The following ARHGAP32 variants were observed in gnomAD, a reference collection of about 807,000 sequenced individuals.
The protein encoded by ARHGAP32 is rho GTPase-activating protein 32.
A neutral mutation model predicts 186.5 loss-of-function variants in ARHGAP32; 51 were observed. The observed-to-expected ratio is 0.27, with a 90% CI of 0.22 to 0.35. ARHGAP32 has a LOEUF of 0.35. Ranked by LOEUF, ARHGAP32 falls within the 10% of genes least tolerant of loss-of-function variation. The pLI, the probability that ARHGAP32 is intolerant of heterozygous loss-of-function variation, is 1.00. For synonymous variants in ARHGAP32, 950 were observed against 964.3 expected (o/e 0.99, Z 0.27); for missense variants, 2,186 against 2,623.5 (o/e 0.83, Z 3.64).
intron 6 of ARHGAP32, among the ~76,000 whole-genome samples, chr11:129,074,878 G>A (rs1229044815): frequency 6.6e-6 from 1 of 152,106 alleles, no homozygotes; most frequent in African/African-American, 2.4e-5. Flanking sequence ...AACAAAAAAA[G>A]AGAATTGATC....
At chr11:129,193,380 G>A (rs1944305543), upstream of ARHGAP32, among the ~76,000 whole-genome samples, 1 of 126,282 alleles carries the variant, frequency 7.9e-6, no homozygotes, top group South Asian at 2.8e-4. Context: ...TACTCAACAG[G>A]CTGAGGTGGG....
chr11:129,185,441 AG>A (rs1247450314), intron 1 of ARHGAP32, among the ~76,000 whole-genome samples: 2 of 152,104 alleles, frequency 1.3e-5, no homozygotes, highest in East Asian at 3.9e-4. Context: ...ATCACACACC[AG>A]GGACTGTTGT....
chr11:129,166,804 A>G (rs1173936499), intron 1 of ARHGAP32, among the ~76,000 whole-genome samples: 1 of 152,136 alleles, frequency 6.6e-6, no homozygotes, highest in Non-Finnish European at 1.5e-5. Context: ...TGAAAAGAAT[A>G]AAGCACAAAA....
At chr11:129,065,904 T>C (rs1453587460) in intron 7 of ARHGAP32, among the ~76,000 whole-genome samples, 5 of 152,142 alleles carry the variant, frequency 3.3e-5, no homozygotes, top group Admixed American at 3.3e-4. Context: ...CTTGGCTTGA[T>C]CATTCAACTC....
chr11:128,970,407 A>G lies in ARHGAP32; in HGVS notation c.4806T>C (p.Ala1602=), dbSNP rs1267247130. 1.9e-6 allele frequency: 3 copies of G among 1,614,142 alleles called. No homozygotes were observed. Among genetic ancestry groups the G allele is most frequent in the African/African-American group, 1.3e-5 (1 of 75,012 alleles). The change falls in exon 23 of 23, where the codon GCT becomes GCC. Residue 1602 remains alanine, a synonymous_variant. Transcript: ENST00000682385. This position sits in a 1 kb window ranked among gnomAD's most constrained non-coding sequence, Gnocchi z 5.8. ...PTIRRVQSLH[A]PPSSMIRSVP... is the part of the protein sequence containing the mutation. ...CAGAGCGAATCATGGAAGACGGCGG[A>G]GCATGGAGAGACTGCACTCTCCGGA...
intron 1 of ARHGAP32, among the ~76,000 whole-genome samples, chr11:129,263,686 A>AAC (rs201380995): frequency 0.011 from 1,476 of 131,404 alleles, 28 homozygotes; most frequent in African/African-American, 0.04. Context: ...GAAGAAAAGA[A>AAC]AGAGAAAAAG....
At position 128,980,727 on chromosome 11, in the gene ARHGAP32, G is replaced by C. The variant is rs985742535; in HGVS notation, c.1802C>G (p.Ser601Cys). ...EGAASLSRPK[S>C]LLVSSPSTKL... ...GGTGGATGGAGAGGATACCAGGAGG[G>C]ACTTGGGCCTTGATAGAGAAGCTTC... The change falls in exon 18 of 23, where the codon TCC becomes TGC. Residue 601 changes from serine to cysteine, a missense_variant. Around this residue, in one of 5 missense-constraint regions of ARHGAP32, gnomAD observed 263 missense variants for 323.5 expected, o/e 0.81. Transcript: ENST00000682385. 4 of 1,610,516 alleles carry C rather than the reference G, an allele frequency of 2.5e-6. No individual in the cohort carries two copies. In the African/African-American group the frequency reaches 4.0e-5, roughly 16 times the overall value.
At chr11:128,984,513 G>A (rs77871773) in intron 15 of ARHGAP32, among the ~76,000 whole-genome samples, 41,720 of 151,982 alleles carry the variant, frequency 0.27, 6,216 homozygotes, top group Middle Eastern at 0.39. Context: ...AACATCTAAG[G>A]AATTCAGAAA....
intron 1 of ARHGAP32, among the ~76,000 whole-genome samples, chr11:129,165,150 G>GC (rs1195511351): frequency 6.6e-6 from 1 of 152,018 alleles, no homozygotes; most frequent in Non-Finnish European, 1.5e-5. Flanking sequence ...GATGCAAAAT[G>GC]CCCCCAAAAA....
chr11:129,020,372 C>T (rs1938542688), intron 11 of ARHGAP32, among the ~76,000 whole-genome samples: 1 of 152,042 alleles, frequency 6.6e-6, no homozygotes, highest in Non-Finnish European at 1.5e-5. Context: ...ATTTACATAA[C>T]ATGCTTATAA....
chr11:129,098,845 T>C (rs754561640), intron 5 of ARHGAP32, among the ~76,000 whole-genome samples: 1 of 152,204 alleles, frequency 6.6e-6, no homozygotes, highest in Non-Finnish European at 1.5e-5. Context: ...CATGGAGCTA[T>C]TACAGGAGCA....
chr11:129,165,647 T>C (rs1943623584), intron 1 of ARHGAP32, among the ~76,000 whole-genome samples: 1 of 151,162 alleles, frequency 6.6e-6, no homozygotes, highest in South Asian at 2.2e-4. Context: ...AAGACTCACA[T>C]TTCATTCAGA....
intron 6 of ARHGAP32, among the ~76,000 whole-genome samples, chr11:129,071,311 A>G (rs954889838): frequency 7.9e-5 from 12 of 152,018 alleles, no homozygotes; most frequent in Non-Finnish European, 1.6e-4. Context: ...AATACATCTT[A>G]TAAGGGGTTA....
Position 128,973,073 on chromosome 11 carries a change from T to C in ARHGAP32, c.3433A>G (p.Thr1145Ala), listed in dbSNP as rs1190520291. 1 of 1,614,088 alleles carries C rather than the reference T, an allele frequency of 6.2e-7. No homozygotes were observed. The highest frequency in any genetic ancestry group is 8.5e-7 in the Non-Finnish European group (1 of 1,180,028). Residue 1145 changes from threonine (T) to alanine (A), a missense_variant, in exon 22 of 23, where the codon ACC becomes GCC. By Grantham distance (58) the Thr-to-Ala change is moderately conservative. This residue lies in a region of ARHGAP32 where 1,502 missense variants were observed against 1,570.0 expected (regional missense o/e 0.96). Coordinates refer to ENST00000682385, the MANE Select transcript of ARHGAP32 (RefSeq NM_001378024.1). ...LPETTATGDPTHSNTTESGEQ... is the reference protein window; with the variant it reads ...LPETTATGDPAHSNTTESGEQ... Reference sequence around the variant, plus strand: ...CCAGATTCAGTTGTGTTGGAATGGGTAGGATCCCCAGTAGCTGTTGTCTCT... The same window carrying C: ...CCAGATTCAGTTGTGTTGGAATGGGCAGGATCCCCAGTAGCTGTTGTCTCT...
intron 1 of ARHGAP32, among the ~76,000 whole-genome samples, chr11:129,261,150 C>A (rs1049528337): frequency 3.3e-5 from 5 of 151,014 alleles, no homozygotes; most frequent in African/African-American, 4.9e-5. Flanking sequence ...CAGCTGAAAG[C>A]AGCAAAAAGG....
chr11:129,087,808 T>C (rs986873824), intron 6 of ARHGAP32, among the ~76,000 whole-genome samples: 1 of 152,162 alleles, frequency 6.6e-6, no homozygotes, highest in Admixed American at 6.5e-5. Context: ...GGGATGTCAA[T>C]AGTGGGGGAT....
chr11:128,971,165 G>A lies in ARHGAP32; in HGVS notation c.4054-6C>T, dbSNP rs775634517. 13 of 1,600,034 alleles carry A rather than the reference G, an allele frequency of 8.1e-6. No individual in the cohort carries two copies. In the East Asian group the frequency reaches 2.9e-4, roughly 36 times the overall value. ...ACTGGAACTACTCCTTGAACCTATTGAAAGATGATAATACTATGGGTCTAT... is the reference window on the plus strand; with the variant it reads ...ACTGGAACTACTCCTTGAACCTATTAAAAGATGATAATACTATGGGTCTAT... On this transcript the variant is annotated splice_region_variant and splice_polypyrimidine_tract_variant and intron_variant, in intron 22 of 22. Transcript: ENST00000682385.
Position 129,041,055 on chromosome 11 carries a change from C to G in ARHGAP32, c.964-46G>C, listed in dbSNP as rs750858362. 3.8e-6 allele frequency: 5 copies of G among 1,329,850 alleles called. No individual in the cohort carries two copies. The Admixed American group carries it at 9.8e-5, about 26-fold the overall frequency. The allele number at this position is 1,329,850 out of a possible 1,614,324, so 82.4% of individuals were successfully genotyped here. Reference sequence around the variant, plus strand: ...AAGGATTCTAAACCAGCAAACAGACCAATTATGTGAACACTGCCAACTGAA... The same window carrying G: ...AAGGATTCTAAACCAGCAAACAGACGAATTATGTGAACACTGCCAACTGAA... On this transcript the variant is annotated intron_variant, in intron 10 of 22. Transcript: ENST00000682385.
chr11:129,221,819 A>T (rs999494484), intron 1 of ARHGAP32, among the ~76,000 whole-genome samples: 1 of 151,952 alleles, frequency 6.6e-6, no homozygotes, highest in African/African-American at 2.4e-5. Context: ...CTCTAAAAAA[A>T]ATTTTTTTAA....
Sources: allele counts gnomAD v4.1 joint callset (sites outside exome capture counted in the v4.1 genomes callset), GRCh38; gene constraint gnomAD v4.1.1; regional missense constraint gnomAD v4.1.1; non-coding constraint Gnocchi (gnomAD v3.1); transcripts MANE v1.5; gene names NCBI Gene and HGNC (gene_info 2026-07-23, HGNC 2026-07-21).